The following PTPRA variants were observed in gnomAD, a reference collection of about 807,000 sequenced individuals.
PTPRA encodes protein tyrosine phosphatase receptor type A, also known as receptor-type tyrosine-protein phosphatase alpha.
In PTPRA, 25 loss-of-function variants were observed where a neutral mutation model predicts 104.8. That is an observed-to-expected ratio of 0.24 (90% CI 0.17 to 0.33). The LOEUF (loss-of-function observed/expected upper bound fraction) is 0.33, where lower values mean the gene tolerates loss of function less well. PTPRA is among the 10% of genes least tolerant of loss of function. The pLI is 1.00. For synonymous variants in PTPRA, 323 were observed against 368.9 expected (o/e 0.88, Z 1.43); for missense variants, 765 against 1,015.3 (o/e 0.75, Z 3.35).
intron 5 of PTPRA, among the ~76,000 whole-genome samples, chr20:2,974,926 T>C (rs944635506): frequency 2.6e-5 from 4 of 152,246 alleles, no homozygotes; most frequent in Non-Finnish European, 5.9e-5. Context: ...TTTTGTCCTC[T>C]TGAATTTTAA....
intron 1 of PTPRA, among the ~76,000 whole-genome samples, chr20:2,889,737 T>C (rs143268319): frequency 5.7e-4 from 87 of 152,300 alleles, no homozygotes; most frequent in African/African-American, 1.9e-3. Context: ...CAGTTATTAT[T>C]GGTCAGAGAT....
rs2065886964 is a variant in PTPRA at position 3,037,980 on chromosome 20, A to G, written c.2335-79A>G. ...CCTCTTGATTTTCCATCTTCAACAA[A>G]AAAATGAGTCTGTTAGGAATTACAG... is the stretch of plus-strand genomic sequence containing the variant. On this transcript the variant is annotated intron_variant, in intron 23 of 23. Coordinates refer to ENST00000399903, the MANE Select transcript of PTPRA (RefSeq NM_001385305.1). This position sits in a 1 kb window ranked among gnomAD's most constrained non-coding sequence, Gnocchi z 4.3. The G allele has an allele frequency of 4.0e-6, 5 of 1,257,000 alleles. No homozygotes were observed. Among genetic ancestry groups the G allele is most frequent in the African/African-American group, 1.5e-5 (1 of 66,534 alleles). The allele number at this position is 1,257,000 out of a possible 1,614,324, so 77.9% of individuals were successfully genotyped here.
At chr20:2,994,987 G>A (rs377408066) in intron 9 of PTPRA, among the ~76,000 whole-genome samples, 28 of 152,138 alleles carry the variant, frequency 1.8e-4, no homozygotes, top group African/African-American at 6.0e-4. Context: ...AAAATTAGCC[G>A]GGCATGGTGG....
At chr20:3,010,358 G>A (rs1451571880) in intron 11 of PTPRA, among the ~76,000 whole-genome samples, 2 of 151,896 alleles carry the variant, frequency 1.3e-5, no homozygotes, top group African/African-American at 2.4e-5. Context: ...GCCGGGTGCG[G>A]TGGCTCACGC....
intron 1 of PTPRA, among the ~76,000 whole-genome samples, chr20:2,900,047 C>T (rs546228288): frequency 6.6e-6 from 1 of 151,994 alleles, no homozygotes; most frequent in Non-Finnish European, 1.5e-5. Context: ...GAGGTGGGGG[C>T]TGCAGTGAGC....
At chr20:2,994,753 G>C (rs2063332607) in intron 9 of PTPRA, among the ~76,000 whole-genome samples, 1 of 152,194 alleles carries the variant, frequency 6.6e-6, no homozygotes, top group Non-Finnish European at 1.5e-5. Context: ...GGCGAGCCTA[G>C]CTCAACATTA....
chr20:2,864,260 G>A, the PTPRA span: 1 of 1,614,230 alleles, frequency 6.2e-7, no homozygotes, highest in South Asian at 1.1e-5. This position sits in a 1 kb window ranked among gnomAD's most constrained non-coding sequence, Gnocchi z 5.2. Context: ...ACTAAGCAAG[G>A]CCATCGAGAG....
chr20:3,016,742 GAA>G (rs764618010), intron 12 of PTPRA, among the ~76,000 whole-genome samples: 42 of 152,194 alleles, frequency 2.8e-4, no homozygotes, highest in Non-Finnish European at 5.1e-4. Context: ...TTTGTCTCAA[GAA>G]AAAGAGTCAT....
chr20:2,993,000 C>T (rs2063249134), intron 9 of PTPRA, among the ~76,000 whole-genome samples: 1 of 152,174 alleles, frequency 6.6e-6, no homozygotes, highest in African/African-American at 2.4e-5. Context: ...TGGGGTATTG[C>T]TTGAGCCTAG....
chr20:3,013,625 G>A (rs1442003920), intron 11 of PTPRA, among the ~76,000 whole-genome samples: 2 of 152,040 alleles, frequency 1.3e-5, no homozygotes, highest in Non-Finnish European at 1.5e-5. Flanking sequence ...TGGTCATGCT[G>A]GCCTCAAACT....
At chr20:3,026,156 T>C (rs2065136041) in intron 17 of PTPRA, among the ~76,000 whole-genome samples, 1 of 151,916 alleles carries the variant, frequency 6.6e-6, no homozygotes, top group African/African-American at 2.4e-5. Context: ...CATGCGGGTC[T>C]CAAACTCCTA....
At chr20:2,866,466 C>A in the PTPRA span, 1 of 1,614,180 alleles carries the variant, frequency 6.2e-7, no homozygotes, top group East Asian at 2.2e-5. Context: ...CCATCGAACA[C>A]CGGAATGAGG....
intron 1 of PTPRA, among the ~76,000 whole-genome samples, chr20:2,890,073 T>G (rs1226846389): frequency 4.0e-5 from 6 of 151,640 alleles, no homozygotes; most frequent in Admixed American, 3.9e-4. Flanking sequence ...TTTTTTTTTT[T>G]TTTTTGTAGA....
At chr20:2,982,524 T>C (rs1318192835) in intron 6 of PTPRA, among the ~76,000 whole-genome samples, 1 of 152,108 alleles carries the variant, frequency 6.6e-6, no homozygotes, top group Admixed American at 6.6e-5. Flanking sequence ...AGGTTTTAGG[T>C]GTACAGTGAG....
At chr20:3,008,838 G>A (rs1315971077) in intron 11 of PTPRA, among the ~76,000 whole-genome samples, 1 of 152,194 alleles carries the variant, frequency 6.6e-6, no homozygotes, top group East Asian at 1.9e-4. Context: ...CTTGAACCCG[G>A]GAGGCGGAGG....
intron 9 of PTPRA, among the ~76,000 whole-genome samples, chr20:2,992,383 G>C (rs2063213988): frequency 6.6e-6 from 1 of 152,132 alleles, no homozygotes; most frequent in Non-Finnish European, 1.5e-5. Flanking sequence ...CAGGCATGGT[G>C]GCAAATGCCT....
At chr20:2,934,458 C>G (rs2060618444) in intron 2 of PTPRA, among the ~76,000 whole-genome samples, 4 of 152,130 alleles carry the variant, frequency 2.6e-5, no homozygotes, top group Admixed American at 2.0e-4. Context: ...AAATCTGTAT[C>G]TGTACCATTG....
At chr20:2,893,829 T>G (rs1296031562) in intron 1 of PTPRA, among the ~76,000 whole-genome samples, 1 of 152,078 alleles carries the variant, frequency 6.6e-6, no homozygotes, top group Non-Finnish European at 1.5e-5. Flanking sequence ...ATTCTAGATG[T>G]GTCTTATTTC....
chr20:2,943,062 C>T (rs533098309), intron 2 of PTPRA, among the ~76,000 whole-genome samples: 2 of 151,564 alleles, frequency 1.3e-5, no homozygotes, highest in Admixed American at 1.3e-4. Flanking sequence ...TTTTTTCCCT[C>T]TTGCCAAGTT....
Sources: gnomAD v4.1 joint callset for allele counts (sites outside exome capture counted in the v4.1 genomes callset) on GRCh38, gnomAD v4.1.1 for gene constraint, Gnocchi (gnomAD v3.1) non-coding constraint, MANE v1.5 for transcripts, NCBI Gene and HGNC (gene_info 2026-07-23, HGNC 2026-07-21) for gene names.